The following EMID1 variants were observed in gnomAD, a reference collection of about 807,000 sequenced individuals.
The protein encoded by EMID1 is EMI domain containing 1.
A neutral mutation model predicts 60.6 loss-of-function variants in EMID1; 40 were observed. The ratio of observed to expected loss-of-function variants is 0.66; its 90% confidence interval spans 0.51 to 0.86. The LOEUF is 0.86. Among genes scored for constraint, EMID1 ranks in the 40% least tolerant of loss-of-function variants. The pLI, the probability that EMID1 is intolerant of heterozygous loss-of-function variation, is 0.00. For synonymous variants in EMID1, 242 were observed against 231.0 expected, an observed-to-expected ratio of 1.05 and a Z score of -0.43; for missense variants, 585 against 597.1, an observed-to-expected ratio of 0.98 and a Z score of 0.21.
intron 5 of EMID1, among the ~76,000 whole-genome samples, chr22:29,228,599 C>G (rs1306996659): frequency 7.2e-5 from 11 of 152,220 alleles, no homozygotes; most frequent in African/African-American, 2.6e-4. Context: ...TGTTTTGATT[C>G]AGAAACAGGG....
intron 2 of EMID1, 63 bp from the exon 3 acceptor site, chr22:29,215,464 C>T (rs2040047574): frequency 4.0e-6 from 6 of 1,515,452 alleles, no homozygotes; most frequent in Non-Finnish European, 5.5e-6. Context: ...CATGGGTGTC[C>T]AGGGCAGTGG....
At chr22:29,211,892 A>G (rs2039900019) in intron 1 of EMID1, among the ~76,000 whole-genome samples, 1 of 152,172 alleles carries the variant, frequency 6.6e-6, no homozygotes, top group African/African-American at 2.4e-5. Flanking sequence ...TTTTATGCGT[A>G]TTTCTGGAGA....
intron 13 of EMID1, chr22:29,253,919 C>G (rs908637768): frequency 1.0e-6 from 1 of 985,354 alleles, no homozygotes; most frequent in Admixed American, 6.1e-5. Context: ...ATTGGCTCCC[C>G]CTGCCTTCAG....
chr22:29,254,416 T>C, intron 14 of EMID1, 129 bp downstream of exon 14: 2 of 871,974 alleles, frequency 2.3e-6, no homozygotes, highest in Admixed American at 2.0e-5. Context: ...CAGGCAAGCA[T>C]GGACCTGAGA....
intron 12 of EMID1, among the ~76,000 whole-genome samples, chr22:29,237,650 A>T (rs1454318569): frequency 7.0e-6 from 1 of 143,528 alleles, no homozygotes; most frequent in East Asian, 2.1e-4. Context: ...TACAAAAAAA[A>T]TGTAGCTGGG....
At chr22:29,221,066 CGT>C (rs59651061) in intron 3 of EMID1, among the ~76,000 whole-genome samples, 2,379 of 99,832 alleles carry the variant, frequency 0.024, 60 homozygotes, top group East Asian at 0.035. Context: ...GGGGTGGGAA[CGT>C]GTGTGTGTGT....
At chr22:29,226,438 A>G in intron 4 of EMID1, 52 bp from the exon 5 acceptor site, 1 of 1,585,838 alleles carries the variant, frequency 6.3e-7, no homozygotes, top group Non-Finnish European at 8.6e-7. Flanking sequence ...AAGGGTTCTG[A>G]GGGGAAGCCT....
chr22:29,256,128 G>C (rs1431848335), intron 14 of EMID1, among the ~76,000 whole-genome samples: 2 of 152,082 alleles, frequency 1.3e-5, no homozygotes, highest in African/African-American at 4.8e-5. Flanking sequence ...AGCCCAGTGA[G>C]CACATCAGTG....
intron 3 of EMID1, among the ~76,000 whole-genome samples, chr22:29,220,568 G>A (rs926885066): frequency 2.0e-5 from 3 of 152,108 alleles, no homozygotes; most frequent in South Asian, 2.1e-4. Context: ...AGCAGATCTC[G>A]GGGGTCGGTT....
intron 3 of EMID1, among the ~76,000 whole-genome samples, chr22:29,215,946 C>T (rs1412113629): frequency 6.6e-6 from 1 of 152,228 alleles, no homozygotes; most frequent in Non-Finnish European, 1.5e-5. Context: ...TTCTGTATGA[C>T]ACGATAACAG....
intron 3 of EMID1, 43 bp from the exon 4 acceptor site, chr22:29,225,090 C>T: frequency 6.2e-7 from 1 of 1,605,476 alleles, no homozygotes; most frequent in Non-Finnish European, 8.5e-7. Flanking sequence ...CCTGAGGAGG[C>T]AAGGATCACA....
Position 29,231,588 on chromosome 22 carries a change from C to G in EMID1, c.587-5C>G, listed in dbSNP as rs78400471. Reference sequence around the variant, plus strand: ...GCTGCCAGTCTGATATGCTTTACCCCCCAGACCAAGTCGGTGCTTGGGGGC... The same window carrying G: ...GCTGCCAGTCTGATATGCTTTACCCGCCAGACCAAGTCGGTGCTTGGGGGC... On this transcript the variant is annotated splice_region_variant and splice_polypyrimidine_tract_variant and intron_variant, in intron 6 of 14. Coordinates refer to ENST00000334018, the MANE Select transcript of EMID1 (RefSeq NM_133455.4). 2.3e-3 allele frequency: 3,498 copies of G among 1,545,704 alleles called. 80 individuals carry two copies. In the African/African-American group the frequency reaches 0.042, roughly 19 times the overall value.
chr22:29,209,510 G>C (rs576414185), intron 1 of EMID1, among the ~76,000 whole-genome samples: 2 of 151,960 alleles, frequency 1.3e-5, no homozygotes, highest in Admixed American at 1.3e-4. Context: ...TGGAAACCTC[G>C]GGTCCCAGCT....
chr22:29,214,202 G>A (rs1032018537), intron 1 of EMID1, among the ~76,000 whole-genome samples: 1 of 152,202 alleles, frequency 6.6e-6, no homozygotes, highest in Non-Finnish European at 1.5e-5. Flanking sequence ...GCATGCTGGC[G>A]GAGGGGGCAG....
At chr22:29,207,552 G>T (rs16987255) in intron 1 of EMID1, among the ~76,000 whole-genome samples, 34 of 152,248 alleles carry the variant, frequency 2.2e-4, no homozygotes, top group African/African-American at 7.9e-4. Flanking sequence ...GGCCCAGACC[G>T]CCCTGCAGCC....
At chr22:29,243,546 A>G in intron 13 of EMID1, 57 bp downstream of exon 13, 1 of 1,604,834 alleles carries the variant, frequency 6.2e-7, no homozygotes, top group Non-Finnish European at 8.5e-7. Flanking sequence ...CATGCTCAAG[A>G]GAGTATTCCC....
At chr22:29,234,088 C>G (rs900602906) in intron 10 of EMID1, 49 bp from the exon 11 acceptor site, 1 of 1,551,564 alleles carries the variant, frequency 6.4e-7, no homozygotes, top group African/African-American at 1.4e-5. Flanking sequence ...AGCCCCTGCC[C>G]ACTCCATCCT....
At chr22:29,247,438 A>G (rs113369953) in intron 13 of EMID1, among the ~76,000 whole-genome samples, 49 of 152,342 alleles carry the variant, frequency 3.2e-4, no homozygotes, top group African/African-American at 1.2e-3. Flanking sequence ...TACAGTGTAC[A>G]TACACAAACC....
chr22:29,234,369 C>A lies in EMID1; in HGVS notation c.1074+20C>A. ...CAGCGGGTAAGTGTTGCTGTCTGTC[C>A]CGCATTCATCCCTGCAGGATCCCTT... On this transcript the variant is annotated intron_variant, in intron 12 of 14. Transcript: ENST00000334018. 6.2e-7 allele frequency: 1 copy of A among 1,611,536 alleles called. No homozygotes were observed. The highest frequency in any genetic ancestry group is 1.1e-5 in the South Asian group (1 of 90,588).
Sources: gnomAD v4.1 joint callset for allele counts (sites outside exome capture counted in the v4.1 genomes callset) on GRCh38, gnomAD v4.1.1 for gene constraint, MANE v1.5 for transcripts, NCBI Gene and HGNC (gene_info 2026-07-23, HGNC 2026-07-21) for gene names.